The following RAP1GAP2 variants were observed in gnomAD, a reference collection of about 807,000 sequenced individuals.
The protein encoded by RAP1GAP2 is RAP1 GTPase activating protein 2, also known as rap1 GTPase-activating protein 2.
RAP1GAP2 carries 27 observed loss-of-function variants against 95.0 expected under a neutral mutation model. The observed-to-expected ratio is 0.28, with a 90% CI of 0.21 to 0.39. RAP1GAP2 has a LOEUF of 0.39. RAP1GAP2 is among the 10% of genes least tolerant of loss of function. The pLI, the probability that RAP1GAP2 is intolerant of heterozygous loss-of-function variation, is 1.00. For missense variants in RAP1GAP2, 771 were observed against 970.0 expected (o/e 0.79, Z 2.72); for synonymous variants, 373 against 380.9 (o/e 0.98, Z 0.24).
At chr17:2,944,279 T>C (rs976523146) in intron 3 of RAP1GAP2, among the ~76,000 whole-genome samples, 1 of 151,634 alleles carries the variant, frequency 6.6e-6, no homozygotes, top group Non-Finnish European at 1.5e-5. Flanking sequence ...GCAGCCGCTA[T>C]GGGAAACAGC....
chr17:2,880,181 G>A (rs1464626170), intron 2 of RAP1GAP2, among the ~76,000 whole-genome samples: 2 of 152,128 alleles, frequency 1.3e-5, no homozygotes, highest in Non-Finnish European at 2.9e-5. Context: ...TTAGGATACA[G>A]GAAGACGAAG....
intron 2 of RAP1GAP2, among the ~76,000 whole-genome samples, chr17:2,851,397 G>T (rs1237177100): frequency 6.6e-6 from 1 of 152,204 alleles, no homozygotes; most frequent in Non-Finnish European, 1.5e-5. Context: ...CTCTGCTATT[G>T]ATGGGTTTTC....
chr17:2,822,518 T>C (rs1233284526), intron 2 of RAP1GAP2, among the ~76,000 whole-genome samples: 2 of 151,814 alleles, frequency 1.3e-5, no homozygotes, highest in African/African-American at 2.4e-5. Context: ...TCTCAGCTAC[T>C]TGGGAGTCAG....
chr17:2,997,473 A>G (rs567951578), intron 13 of RAP1GAP2, among the ~76,000 whole-genome samples: 1 of 152,280 alleles, frequency 6.6e-6, no homozygotes, highest in Non-Finnish European at 1.5e-5. Context: ...TCCCAGATCA[A>G]TGACAGGCTC....
At chr17:2,873,474 CAAAAAAAAAAAAAAAAAAA>C (rs71153308) in intron 2 of RAP1GAP2, among the ~76,000 whole-genome samples, 5 of 11,422 alleles carry the variant, frequency 4.4e-4, no homozygotes, top group African/African-American at 7.0e-4. Context: ...GACCCTGTCT[CAAAAAAAAAAAAAAAAAAA>C]AAAAAAAAAA....
upstream of RAP1GAP2, among the ~76,000 whole-genome samples, chr17:2,772,501 G>T (rs1052663769): frequency 3.1e-4 from 47 of 151,942 alleles, no homozygotes; most frequent in African/African-American, 1.1e-3. Flanking sequence ...TCTCCCTATT[G>T]TGCCCAGGCT....
At chr17:2,818,851 T>G (rs1422805642) in intron 2 of RAP1GAP2, among the ~76,000 whole-genome samples, 4 of 152,064 alleles carry the variant, frequency 2.6e-5, no homozygotes, top group Non-Finnish European at 4.4e-5. Context: ...TTCTAATCTT[T>G]GAAACTGGAC....
intron 8 of RAP1GAP2, among the ~76,000 whole-genome samples, chr17:2,978,464 G>A (rs961303015): frequency 2.6e-5 from 4 of 152,078 alleles, no homozygotes; most frequent in African/African-American, 9.7e-5. Flanking sequence ...TTCATGTCCC[G>A]GGTGGATAGA....
At chr17:2,831,619 G>A (rs1326489068) in intron 2 of RAP1GAP2, among the ~76,000 whole-genome samples, 1 of 152,096 alleles carries the variant, frequency 6.6e-6, no homozygotes, top group Non-Finnish European at 1.5e-5. Context: ...GGCTGTGCAT[G>A]GTGGCTCATG....
rs2045918038 is a variant in RAP1GAP2 at position 2,995,486 on chromosome 17, CT to C, written c.1044+23del. 1.2e-6 allele frequency: 2 copies of C among 1,612,836 alleles called. No individual in the cohort carries two copies. Among genetic ancestry groups the C allele is most frequent in the African/African-American group, 2.7e-5 (2 of 74,922 alleles). On this transcript the variant is annotated intron_variant, in intron 13 of 24. Coordinates refer to ENST00000254695, the MANE Select transcript of RAP1GAP2 (RefSeq NM_015085.5). ...CAGCAGGTAACCTGGTTTGGGAGGGCTTTGGGAGCCCAGGGCGGGCGAGGTG... is the reference window on the plus strand; with the variant it reads ...CAGCAGGTAACCTGGTTTGGGAGGGCTTGGGAGCCCAGGGCGGGCGAGGTG...
rs2045742998 is a variant in RAP1GAP2 at position 2,991,306 on chromosome 17, G to A, written c.823G>A (p.Glu275Lys). The change falls in exon 12 of 25, where the codon GAG becomes AAG. Residue 275 changes from glutamate (E) to lysine (K), a missense_variant. By Grantham distance (56) the Glu-to-Lys change is moderately conservative. Coordinates refer to ENST00000254695, the MANE Select transcript of RAP1GAP2 (RefSeq NM_015085.5). ...IYQKARQTLEEELFGNNEESP... is the reference protein window; with the variant it reads ...IYQKARQTLEKELFGNNEESP... ...CCTGTTTCTCTTTCAGACCCTGGAGGAGGAGCTATTTGGGAACAATGAGGA... is the reference window on the plus strand; with the variant it reads ...CCTGTTTCTCTTTCAGACCCTGGAGAAGGAGCTATTTGGGAACAATGAGGA... The A allele has an allele frequency of 6.2e-7, 1 of 1,600,674 alleles. No homozygotes were observed. Among genetic ancestry groups the A allele is most frequent in the African/African-American group, 1.3e-5 (1 of 74,752 alleles).
At chr17:2,852,628 G>A (rs987153963) in intron 2 of RAP1GAP2, among the ~76,000 whole-genome samples, 6 of 152,192 alleles carry the variant, frequency 3.9e-5, no homozygotes, top group African/African-American at 1.4e-4. Flanking sequence ...AAAAAACAAG[G>A]CAAATTGCCT....
At chr17:2,927,337 T>TA (rs1303448337) in intron 3 of RAP1GAP2, among the ~76,000 whole-genome samples, 1 of 151,430 alleles carries the variant, frequency 6.6e-6, no homozygotes, top group East Asian at 2.0e-4. Context: ...GTATTTTTAG[T>TA]AGAGACGGGG....
At chr17:3,010,883 T>C (rs116151440) in intron 17 of RAP1GAP2, among the ~76,000 whole-genome samples, 20,080 of 152,168 alleles carry the variant, frequency 0.13, 1,747 homozygotes, top group Non-Finnish European at 0.19. Context: ...CAGAGTAAGC[T>C]TCAGGGCCCT....
intron 2 of RAP1GAP2, among the ~76,000 whole-genome samples, chr17:2,895,662 C>T (rs1037188035): frequency 2.6e-5 from 4 of 151,916 alleles, no homozygotes; most frequent in East Asian, 1.9e-4. Flanking sequence ...CTGCAACCTC[C>T]GCCTCCCGGG....
intron 4 of RAP1GAP2, among the ~76,000 whole-genome samples, chr17:2,960,783 T>G (rs527540039): frequency 1.3e-5 from 2 of 152,346 alleles, no homozygotes; most frequent in South Asian, 4.1e-4. Context: ...GCTTCTGGAC[T>G]CCTTCTGCTT....
chr17:2,912,080 C>T (rs1344588391), intron 3 of RAP1GAP2, among the ~76,000 whole-genome samples: 1 of 152,258 alleles, frequency 6.6e-6, no homozygotes, highest in Non-Finnish European at 1.5e-5. Context: ...CTGGTTCCTC[C>T]CTTGCTCCTT....
At chr17:2,842,962 T>C (rs2071430056) in intron 2 of RAP1GAP2, among the ~76,000 whole-genome samples, 1 of 152,094 alleles carries the variant, frequency 6.6e-6, no homozygotes, top group African/African-American at 2.4e-5. Flanking sequence ...CCATGGTATT[T>C]ATTGAGGGCT....
intron 1 of RAP1GAP2, among the ~76,000 whole-genome samples, chr17:2,758,091 G>A (rs1005840766): frequency 1.3e-5 from 2 of 150,072 alleles, no homozygotes; most frequent in Non-Finnish European, 3.0e-5. Context: ...GGATGGTGTC[G>A]ATCTCCTGAC....
Sources: gnomAD v4.1 joint callset for allele counts (sites outside exome capture counted in the v4.1 genomes callset) on GRCh38, gnomAD v4.1.1 for gene constraint, MANE v1.5 for transcripts, NCBI Gene and HGNC (gene_info 2026-07-23, HGNC 2026-07-21) for gene names.